HOOK1: variants seen among roughly 807,000 people sequenced by gnomAD.
The protein encoded by HOOK1 is protein Hook homolog 1.
A neutral mutation model predicts 112.8 loss-of-function variants in HOOK1; 60 were observed. That is an observed-to-expected ratio of 0.53 (90% CI 0.43 to 0.66). The LOEUF (loss-of-function observed/expected upper bound fraction) is 0.66, where lower values mean the gene tolerates loss of function less well. Ranked by LOEUF, HOOK1 falls within the 30% of genes least tolerant of loss-of-function variation. HOOK1 has a pLI of 0.00. For synonymous variants in HOOK1, 294 were observed against 283.8 expected, an observed-to-expected ratio of 1.04 and a Z score of -0.36; for missense variants, 770 against 856.0, an observed-to-expected ratio of 0.90 and a Z score of 1.25.
chr1:59,821,246 C>T (rs1393030867), intron 1 of HOOK1, among the ~76,000 whole-genome samples: 74 of 152,234 alleles, frequency 4.9e-4, no homozygotes, highest in Non-Finnish European at 4.4e-5. Flanking sequence ...TTCCGCTTCT[C>T]TTCAATATAT....
At chr1:59,854,927 G>T (rs990748681) in intron 12 of HOOK1, among the ~76,000 whole-genome samples, 3 of 152,112 alleles carry the variant, frequency 2.0e-5, no homozygotes, top group Non-Finnish European at 4.4e-5. Flanking sequence ...AAGAAACAGG[G>T]TAGCCTATAC....
chr1:59,834,752 A>T (rs887403723), intron 5 of HOOK1, among the ~76,000 whole-genome samples: 3 of 152,064 alleles, frequency 2.0e-5, no homozygotes, highest in African/African-American at 7.2e-5. Flanking sequence ...TTGCTTAATT[A>T]ATCTTAACCA....
chr1:59,866,031 T>C, intron 19 of HOOK1, 59 bp downstream of exon 19: 1 of 882,074 alleles, frequency 1.1e-6, no homozygotes, highest in Non-Finnish European at 1.8e-6. Context: ...GCAAGGCTCA[T>C]TTCACTGGAT....
chr1:59,849,829 G>T (rs1331004931), intron 12 of HOOK1, among the ~76,000 whole-genome samples: 1 of 151,622 alleles, frequency 6.6e-6, no homozygotes, highest in African/African-American at 2.4e-5. Context: ...ATGCCCCATT[G>T]TATGGACATA....
intron 11 of HOOK1, 21 bp from the exon 12 acceptor site, chr1:59,849,052 T>A (rs1559054654): frequency 5.9e-6 from 9 of 1,513,480 alleles, no homozygotes; most frequent in Non-Finnish European, 8.2e-6. Flanking sequence ...GGACCTTTTT[T>A]CCTTTTGTTT....
intron 12 of HOOK1, among the ~76,000 whole-genome samples, chr1:59,857,132 A>G (rs2098411145): frequency 6.6e-6 from 1 of 152,124 alleles, no homozygotes; most frequent in Non-Finnish European, 1.5e-5. Context: ...GCAAGCAGTG[A>G]CTCAGGTCAA....
At chr1:59,849,265 G>A (rs2098405825) in intron 12 of HOOK1, 82 bp downstream of exon 12, 2 of 829,302 alleles carry the variant, frequency 2.4e-6, no homozygotes, top group East Asian at 2.8e-5. Flanking sequence ...TAATCGTGGT[G>A]ATGTCTACCA....
rs968457084 is a variant in HOOK1 at position 59,815,038 on chromosome 1, C to T, written c.-80C>T. On this transcript the variant is annotated 5_prime_UTR_variant, in exon 1 of 22. Transcript: ENST00000371208. ...CGAGCTTTCCTGGGGGCTAGCAGGT[C>T]GTGGACGCCGGCTCCTGGAGGAGAG... The T allele has an allele frequency of 7.1e-7, 1 of 1,404,562 alleles. No individual in the cohort carries two copies. The highest frequency in any genetic ancestry group is 9.7e-7 in the Non-Finnish European group (1 of 1,029,458). The allele number at this position is 1,404,562 out of a possible 1,614,324, so 87.0% of individuals were successfully genotyped here. A position where few individuals can be genotyped will look rare whatever the true frequency, so the allele number is the denominator to read the frequency against.
intron 20 of HOOK1, among the ~76,000 whole-genome samples, chr1:59,868,971 G>A (rs553066830): frequency 6.6e-6 from 1 of 152,270 alleles, no homozygotes; most frequent in Admixed American, 6.5e-5. Flanking sequence ...CCTTAGGTAA[G>A]TATGTCACTA....
intron 10 of HOOK1, 138 bp downstream of exon 10, chr1:59,847,323 G>A: frequency 1.4e-6 from 1 of 722,200 alleles, no homozygotes; most frequent in Non-Finnish European, 2.2e-6. Flanking sequence ...CAGGCTGATA[G>A]TTTTAACTTC....
chr1:59,816,080 T>G (rs2098381258), intron 1 of HOOK1, among the ~76,000 whole-genome samples: 1 of 152,172 alleles, frequency 6.6e-6, no homozygotes, highest in Non-Finnish European at 1.5e-5. Flanking sequence ...TTGATGATGC[T>G]CATCCCAAAC....
intron 1 of HOOK1, among the ~76,000 whole-genome samples, chr1:59,816,605 A>G (rs1166770888): frequency 1.3e-5 from 2 of 152,216 alleles, no homozygotes; most frequent in East Asian, 3.9e-4. Flanking sequence ...ATATTTTAAA[A>G]TATTATGTGA....
intron 20 of HOOK1, among the ~76,000 whole-genome samples, chr1:59,869,130 T>C (rs763408496): frequency 7.2e-5 from 11 of 152,182 alleles, no homozygotes; most frequent in Non-Finnish European, 1.3e-4. Flanking sequence ...ATATGCATAA[T>C]TGCAGAGCCA....
chr1:59,824,059 C>T (rs1370823465), intron 2 of HOOK1, among the ~76,000 whole-genome samples: 1 of 152,240 alleles, frequency 6.6e-6, no homozygotes, highest in South Asian at 2.1e-4. Context: ...AACTCCTTTA[C>T]AGTTTTGGAA....
At chr1:59,845,732 A>T (rs1004326597) in intron 9 of HOOK1, among the ~76,000 whole-genome samples, 1 of 151,854 alleles carries the variant, frequency 6.6e-6, no homozygotes, top group Non-Finnish European at 1.5e-5. Context: ...CACTTTGTTC[A>T]TACTTTATTA....
intron 8 of HOOK1, among the ~76,000 whole-genome samples, chr1:59,842,263 C>T (rs934773674): frequency 6.6e-5 from 10 of 152,132 alleles, no homozygotes; most frequent in African/African-American, 2.2e-4. Context: ...TATCAAAGCA[C>T]CTTCAACATC....
intron 9 of HOOK1, 63 bp from the exon 10 acceptor site, chr1:59,846,982 T>TA (rs1419647411): frequency 1.5e-6 from 2 of 1,364,648 alleles, no homozygotes; most frequent in Non-Finnish European, 2.0e-6. Context: ...TCATGCAAGT[T>TA]ACAATTATAT....
intron 17 of HOOK1, chr1:59,864,887 A>T (rs899263394): frequency 1.8e-6 from 1 of 546,486 alleles, no homozygotes; most frequent in Non-Finnish European, 3.3e-6. Flanking sequence ...TGAAAAGTTT[A>T]AAAAAACAGA....
At chr1:59,828,346 A>C (rs1368153885) in intron 2 of HOOK1, among the ~76,000 whole-genome samples, 1 of 152,158 alleles carries the variant, frequency 6.6e-6, no homozygotes, top group Non-Finnish European at 1.5e-5. Flanking sequence ...ATGTGCTATT[A>C]ATAGTATCAC....
Sources: allele counts gnomAD v4.1 joint callset (sites outside exome capture counted in the v4.1 genomes callset), GRCh38; gene constraint gnomAD v4.1.1; transcripts MANE v1.5; gene names NCBI Gene and HGNC (gene_info 2026-07-23, HGNC 2026-07-21).